Variants in RABGAP1L observed in about 807,000 individuals in gnomAD.
RABGAP1L encodes the protein RAB GTPase activating protein 1 like.
RABGAP1L carries 63 observed loss-of-function variants against 137.7 expected under a neutral mutation model. The observed-to-expected ratio is 0.46, with a 90% confidence interval of 0.37 to 0.56. RABGAP1L has a LOEUF of 0.56. RABGAP1L is among the 20% of genes least tolerant of loss of function. RABGAP1L has a pLI of 0.00. For synonymous variants in RABGAP1L, 431 were observed against 433.7 expected (o/e 0.99, Z 0.08); for missense variants, 1,095 against 1,244.0 (o/e 0.88, Z 1.80).
At chr1:174,975,508 T>C (rs1291196582) in intron 21 of RABGAP1L, among the ~76,000 whole-genome samples, 4 of 152,206 alleles carry the variant, frequency 2.6e-5, no homozygotes, top group African/African-American at 9.7e-5. Context: ...GATTTCTCCT[T>C]ACTAGACTCA....
chr1:174,635,065 A>G (rs1673850989), intron 13 of RABGAP1L, among the ~76,000 whole-genome samples: 1 of 148,226 alleles, frequency 6.7e-6, no homozygotes, highest in Non-Finnish European at 1.5e-5. Context: ...ATAAAAAAAT[A>G]AAAAAAGAAA....
At chr1:174,635,880 C>T (rs934781577) in intron 13 of RABGAP1L, among the ~76,000 whole-genome samples, 9 of 152,046 alleles carry the variant, frequency 5.9e-5, no homozygotes, top group South Asian at 4.2e-4. Context: ...TTGTATACTT[C>T]GCAGCTATCA....
intron 13 of RABGAP1L, among the ~76,000 whole-genome samples, chr1:174,446,590 G>C (rs1303869976): frequency 1.3e-5 from 2 of 152,176 alleles, no homozygotes; most frequent in East Asian, 1.9e-4. Flanking sequence ...TATCCTGGCA[G>C]CCTTGCAATG....
intron 13 of RABGAP1L, among the ~76,000 whole-genome samples, chr1:174,433,882 C>T (rs937989144): frequency 3.3e-5 from 5 of 152,148 alleles, no homozygotes; most frequent in African/African-American, 1.2e-4. Context: ...TTACACAGAA[C>T]TCGAACACTT....
chr1:174,673,742 A>G (rs1041030957), intron 14 of RABGAP1L, among the ~76,000 whole-genome samples: 4 of 152,290 alleles, frequency 2.6e-5, no homozygotes, highest in African/African-American at 9.6e-5. Context: ...TTTATAAAAG[A>G]TGCATATGTG....
intron 13 of RABGAP1L, among the ~76,000 whole-genome samples, chr1:174,622,542 A>G (rs1179880369): frequency 6.6e-6 from 1 of 152,224 alleles, no homozygotes; most frequent in African/African-American, 2.4e-5. Flanking sequence ...TGATGAGTTC[A>G]TGTCCTTTGT....
intron 18 of RABGAP1L, among the ~76,000 whole-genome samples, chr1:174,758,701 G>A (rs1002423850): frequency 6.6e-6 from 1 of 152,056 alleles, no homozygotes; most frequent in African/African-American, 2.4e-5. Flanking sequence ...TCAGGTGATG[G>A]GCACTTAGGT....
intron 17 of RABGAP1L, among the ~76,000 whole-genome samples, chr1:174,736,518 A>G (rs1682957250): frequency 1.3e-5 from 2 of 152,186 alleles, no homozygotes; most frequent in Non-Finnish European, 2.9e-5. Flanking sequence ...TGGCGCTACC[A>G]TACTGTGGTC....
chr1:174,279,811 C>G (rs1435233213), intron 10 of RABGAP1L, among the ~76,000 whole-genome samples: 2 of 151,960 alleles, frequency 1.3e-5, no homozygotes, highest in African/African-American at 4.8e-5. Flanking sequence ...TCCTGTCTTC[C>G]TTCCTCCCCA....
At chr1:174,532,800 A>G (rs1397518762) in intron 13 of RABGAP1L, among the ~76,000 whole-genome samples, 1 of 152,222 alleles carries the variant, frequency 6.6e-6, no homozygotes, top group Non-Finnish European at 1.5e-5. Context: ...AATCACAGAT[A>G]TATAAAAAAA....
At chr1:174,642,603 T>C (rs1217576776) in intron 14 of RABGAP1L, among the ~76,000 whole-genome samples, 3 of 152,178 alleles carry the variant, frequency 2.0e-5, no homozygotes. Context: ...GAGCCCTAGT[T>C]GAAATGTCAG....
chr1:174,407,507 C>T (rs975856814), intron 13 of RABGAP1L, among the ~76,000 whole-genome samples: 2 of 152,032 alleles, frequency 1.3e-5, no homozygotes, highest in African/African-American at 4.8e-5. Context: ...GAAGCCTTAC[C>T]AATAACATAG....
chr1:174,875,682 A>C (rs1311335396), intron 19 of RABGAP1L: 18 of 985,294 alleles, frequency 1.8e-5, no homozygotes, highest in Non-Finnish European at 2.0e-5. Flanking sequence ...GTATCTTTTA[A>C]AGTACTTCTG....
chr1:174,718,480 G>A (rs1681204139), intron 17 of RABGAP1L, among the ~76,000 whole-genome samples: 2 of 152,288 alleles, frequency 1.3e-5, no homozygotes, highest in African/African-American at 4.8e-5. Flanking sequence ...AAGAAGGGAT[G>A]TGCTGTGCCC....
At chr1:174,632,653 T>C (rs1284792106) in intron 13 of RABGAP1L, among the ~76,000 whole-genome samples, 1 of 150,330 alleles carries the variant, frequency 6.7e-6, no homozygotes, top group East Asian at 1.9e-4. Context: ...TCATCTTCCA[T>C]CACTGATACC....
chr1:174,183,086 T>G (rs1211051709), intron 1 of RABGAP1L, among the ~76,000 whole-genome samples: 1 of 152,204 alleles, frequency 6.6e-6, no homozygotes, highest in African/African-American at 2.4e-5. Flanking sequence ...TATTAGACTG[T>G]GAGCCCCTTT....
chr1:174,865,922 A>G (rs894469745), intron 19 of RABGAP1L, among the ~76,000 whole-genome samples: 1 of 152,164 alleles, frequency 6.6e-6, no homozygotes, highest in Non-Finnish European at 1.5e-5. Flanking sequence ...CTCATATCTC[A>G]TTTGCATTGT....
At chr1:174,826,127 T>C (rs747701575) in intron 19 of RABGAP1L, among the ~76,000 whole-genome samples, 1 of 152,220 alleles carries the variant, frequency 6.6e-6, no homozygotes, top group Non-Finnish European at 1.5e-5. Context: ...CTCCCACTTA[T>C]AAGTAAAACA....
At chr1:174,741,385 CAG>C (rs1683397574) in intron 17 of RABGAP1L, among the ~76,000 whole-genome samples, 1 of 151,962 alleles carries the variant, frequency 6.6e-6, no homozygotes, top group African/African-American at 2.4e-5. Flanking sequence ...TTTTTTGAGA[CAG>C]AGTCTTGCCT....
Sources: allele counts gnomAD v4.1 joint callset (sites outside exome capture counted in the v4.1 genomes callset), GRCh38; gene constraint gnomAD v4.1.1; transcripts MANE v1.5; gene names NCBI Gene and HGNC (gene_info 2026-07-23, HGNC 2026-07-21).